The following NR2F1-AS1 variants were observed in gnomAD, a reference collection of about 807,000 sequenced individuals.
NR2F1-AS1 encodes NR2F1 regulatory antisense RNA 1.
At chr5:93,575,213 G>A (rs976707630) in intron 1 of NR2F1-AS1, among the ~76,000 whole-genome samples, 2 of 152,272 alleles carry the variant, frequency 1.3e-5, no homozygotes, top group Non-Finnish European at 2.9e-5. Flanking sequence ...GGGGTGGGGG[G>A]AGCATCCTCC....
chr5:93,524,297 T>C (rs1751565343), intron 4 of NR2F1-AS1, among the ~76,000 whole-genome samples: 1 of 151,338 alleles, frequency 6.6e-6, no homozygotes, highest in Non-Finnish European at 1.5e-5. Context: ...CATGAAGACA[T>C]GATTAGAGAA....
At chr5:93,585,491 A>C (rs747394434), upstream of NR2F1-AS1, 1 of 1,605,126 alleles carries the variant, frequency 6.2e-7, no homozygotes, top group Non-Finnish European at 8.5e-7. Flanking sequence ...GGGAAGGTGA[A>C]TATTTCTTCT....
chr5:93,576,626 T>G (rs1183471967), intron 1 of NR2F1-AS1, among the ~76,000 whole-genome samples: 2 of 152,192 alleles, frequency 1.3e-5, no homozygotes, highest in Non-Finnish European at 2.9e-5. Flanking sequence ...TTTGAGCCAA[T>G]ACTTTTCCAC....
At chr5:93,469,394 T>C (rs879213002) in intron 4 of NR2F1-AS1, among the ~76,000 whole-genome samples, 24 of 152,280 alleles carry the variant, frequency 1.6e-4, no homozygotes, top group African/African-American at 5.3e-4. Context: ...TATAATCTTA[T>C]GGGACCACCA....
chr5:93,531,365 C>G (rs1383860138), intron 4 of NR2F1-AS1, among the ~76,000 whole-genome samples: 6 of 152,120 alleles, frequency 3.9e-5, no homozygotes, highest in Non-Finnish European at 5.9e-5. Context: ...TTATGAAGCA[C>G]ATTGGAAAGT....
At chr5:93,448,445 G>A (rs1008764850) in intron 4 of NR2F1-AS1, among the ~76,000 whole-genome samples, 1 of 152,284 alleles carries the variant, frequency 6.6e-6, no homozygotes, top group African/African-American at 2.4e-5. Flanking sequence ...ACAATGGCTG[G>A]TCTCGTGGCT....
At chr5:93,525,519 T>C (rs1751593578) in intron 4 of NR2F1-AS1, among the ~76,000 whole-genome samples, 1 of 152,300 alleles carries the variant, frequency 6.6e-6, no homozygotes, top group East Asian at 1.9e-4. Flanking sequence ...CTAATAGACA[T>C]CTACACAACT....
chr5:93,460,602 T>C (rs1022769581), intron 4 of NR2F1-AS1, among the ~76,000 whole-genome samples: 9 of 151,936 alleles, frequency 5.9e-5, no homozygotes, highest in Admixed American at 3.9e-4. Flanking sequence ...CCCACTACTC[T>C]CACCCAAGAA....
intron 4 of NR2F1-AS1, among the ~76,000 whole-genome samples, chr5:93,521,888 C>A (rs1390088876): frequency 6.6e-6 from 1 of 152,150 alleles, no homozygotes; most frequent in Non-Finnish European, 1.5e-5. Flanking sequence ...AAGCATTCTA[C>A]CATATAGACA....
At chr5:93,497,475 G>A (rs1004374124) in intron 4 of NR2F1-AS1, among the ~76,000 whole-genome samples, 3 of 152,130 alleles carry the variant, frequency 2.0e-5, no homozygotes, top group Non-Finnish European at 2.9e-5. Context: ...TCAACATGTG[G>A]ATGAAAGGTC....
chr5:93,524,182 A>G (rs1281781713), intron 4 of NR2F1-AS1, among the ~76,000 whole-genome samples: 2 of 152,014 alleles, frequency 1.3e-5, no homozygotes, highest in Admixed American at 6.6e-5. Flanking sequence ...GGAGCTCAAA[A>G]ACACAGCATG....
chr5:93,536,883 C>T (rs904345918), intron 4 of NR2F1-AS1, among the ~76,000 whole-genome samples: 2 of 152,076 alleles, frequency 1.3e-5, no homozygotes, highest in Non-Finnish European at 2.9e-5. Context: ...TGGGTCTTTC[C>T]TGTGCTGTTC....
chr5:93,507,074 C>T (rs531337463), intron 4 of NR2F1-AS1, among the ~76,000 whole-genome samples: 3 of 151,880 alleles, frequency 2.0e-5, no homozygotes, highest in Non-Finnish European at 4.4e-5. Flanking sequence ...ATGTAATCTG[C>T]CATATTAACA....
rs116263493 is a variant in NR2F1-AS1, at chr5:93,425,351, C to A, written n.639-29809G>T. Among the ~76,000 whole-genome samples the A allele has an allele frequency of 1.4e-3, 215 of 152,276 alleles. 2 individuals are homozygous for A. The highest frequency in any genetic ancestry group is 5.0e-3 in the African/African-American group (207 of 41,560). ...CAGCACAATAACCTGGGCTCATTGA[C>A]AATACAGTCACAGGGTTCCAAGTGC... On this transcript the variant is annotated intron_variant and non_coding_transcript_variant, in intron 4 of 5. Coordinates refer to ENST00000660523, the Ensembl canonical transcript of NR2F1-AS1.
At chr5:93,503,971 T>C (rs1013417395) in intron 4 of NR2F1-AS1, among the ~76,000 whole-genome samples, 5 of 152,200 alleles carry the variant, frequency 3.3e-5, no homozygotes, top group African/African-American at 1.2e-4. Context: ...GGGGGTTGTC[T>C]AGGAATTCCT....
chr5:93,530,326 C>G (rs544111157), intron 4 of NR2F1-AS1, among the ~76,000 whole-genome samples: 1 of 152,138 alleles, frequency 6.6e-6, no homozygotes, highest in Non-Finnish European at 1.5e-5. Context: ...TCGTGATCCG[C>G]CTGCCTTGGC....
chr5:93,527,451 C>T (rs1432428795), intron 4 of NR2F1-AS1, among the ~76,000 whole-genome samples: 2 of 152,156 alleles, frequency 1.3e-5, no homozygotes, highest in Non-Finnish European at 2.9e-5. Flanking sequence ...ATGCTATCCC[C>T]ATCAAGCTAC....
At chr5:93,493,727 G>A (rs1368989344) in intron 4 of NR2F1-AS1, among the ~76,000 whole-genome samples, 5 of 152,008 alleles carry the variant, frequency 3.3e-5, no homozygotes, top group Non-Finnish European at 7.4e-5. Context: ...TGACAAGGGT[G>A]CCAAGGCCAT....
chr5:93,409,655 A>G (rs1009703441), intron 4 of NR2F1-AS1: 1 of 152,244 alleles, frequency 6.6e-6, no homozygotes, highest in Non-Finnish European at 1.5e-5. Context: ...AGCCTGTTAC[A>G]GACAAATCAT....
Sources: gnomAD v4.1 joint callset for allele counts (sites outside exome capture counted in the v4.1 genomes callset) on GRCh38, gnomAD v4.1.1 for gene constraint, MANE v1.5 for transcripts, NCBI Gene and HGNC (gene_info 2026-07-23, HGNC 2026-07-21) for gene names.